Variants in GCA observed in about 807,000 individuals in gnomAD.
GCA encodes grancalcin.
Under a neutral mutation model 32.6 loss-of-function variants are expected in GCA, and 30 were observed. The ratio of observed to expected loss-of-function variants is 0.92; its 90% CI spans 0.69 to 1.25. GCA has a LOEUF of 1.25. Ranked by LOEUF, GCA falls within the 50% of genes most tolerant of loss-of-function variation. The pLI is 0.00. For missense variants in GCA, 291 were observed against 266.8 expected, an observed-to-expected ratio of 1.09 and a Z score of -0.63; for synonymous variants, 102 against 84.6, an observed-to-expected ratio of 1.21 and a Z score of -1.13.
At chr2:162,349,929 C>T (rs985247793) in intron 2 of GCA, among the ~76,000 whole-genome samples, 1 of 152,106 alleles carries the variant, frequency 6.6e-6, no homozygotes, top group African/African-American at 2.4e-5. Context: ...TATTCATTCC[C>T]TTGAGTGTTC....
rs969558942 is a variant in GCA, at chr2:162,344,333, G to A, written c.27+58G>A. ...CCTCGCGGGGTGTGGCGCCCCCGGG[G>A]GCGGTGCCAACGTGCGGGTCCGCCC... On this transcript the variant is annotated intron_variant, in intron 1 of 7. Coordinates refer to ENST00000437150, the MANE Select transcript of GCA (RefSeq NM_012198.5). 9 of 1,563,404 alleles carry A rather than the reference G, an allele frequency of 5.8e-6. No homozygotes were observed. The East Asian group carries it at 2.0e-4, about 35-fold the overall frequency.
rs1227847851 is a variant in GCA, at chr2:162,320,931, C to T, written c.-31+1706C>T. 3.9e-5 allele frequency among the ~76,000 whole-genome samples: 6 copies of T among 152,302 alleles called. No individual in the cohort carries two copies. The East Asian group carries it at 9.7e-4, about 25-fold the overall frequency. ...TTCACAGGTTGATTTCCCAAATAGT[C>T]ATCCTCCTCTAACCCTATTAGCATC... On this transcript the variant is annotated intron_variant, in intron 1 of 4. Coordinates refer to the GCA transcript ENST00000429691.
intron 1 of GCA, among the ~76,000 whole-genome samples, chr2:162,345,267 G>A (rs749235231): frequency 2.0e-5 from 3 of 152,144 alleles, no homozygotes; most frequent in Non-Finnish European, 4.4e-5. Context: ...CGTCCACTTT[G>A]TAATGCCTAT....
At chr2:162,328,197 A>G (rs375437760) in intron 1 of GCA, among the ~76,000 whole-genome samples, 2 of 146,044 alleles carry the variant, frequency 1.4e-5, no homozygotes, top group South Asian at 2.2e-4. Flanking sequence ...CCTGGCCAAC[A>G]TGGTGAAACC....
At chr2:162,347,522 T>G in intron 1 of GCA, 56 bp from the exon 2 acceptor site, 1 of 1,086,424 alleles carries the variant, frequency 9.2e-7, no homozygotes, top group South Asian at 2.0e-5. Flanking sequence ...AATCCAACTT[T>G]CATAGATAAT....
At chr2:162,346,406 G>A (rs1684710451) in intron 1 of GCA, among the ~76,000 whole-genome samples, 1 of 152,116 alleles carries the variant, frequency 6.6e-6, no homozygotes, top group South Asian at 2.1e-4. Context: ...GATTAATGAT[G>A]GTTACCAATT....
At chr2:162,337,708 C>T (rs1558888719) in intron 1 of GCA, among the ~76,000 whole-genome samples, 2 of 152,138 alleles carry the variant, frequency 1.3e-5, no homozygotes, top group Non-Finnish European at 2.9e-5. Context: ...CCTCTTTGTA[C>T]CAGGAGAGTA....
At chr2:162,319,972 T>C (rs1465828244) in intron 1 of GCA, among the ~76,000 whole-genome samples, 2 of 152,212 alleles carry the variant, frequency 1.3e-5, no homozygotes, top group Non-Finnish European at 2.9e-5. Context: ...ACATGTCTTA[T>C]TTTATTCTCT....
At chr2:162,321,920 A>G (rs1237443642) in intron 1 of GCA, among the ~76,000 whole-genome samples, 1 of 117,298 alleles carries the variant, frequency 8.5e-6, no homozygotes, top group Non-Finnish European at 1.6e-5. Context: ...ATATATATAT[A>G]TATATATATA....
chr2:162,325,692 T>G (rs1683849916), intron 1 of GCA, among the ~76,000 whole-genome samples: 1 of 152,154 alleles, frequency 6.6e-6, no homozygotes, highest in African/African-American at 2.4e-5. Flanking sequence ...ACACTATATG[T>G]GATACAAAAC....
At chr2:162,360,157 G>A in intron 7 of GCA, 60 bp from the exon 8 acceptor site, 1 of 1,039,192 alleles carries the variant, frequency 9.6e-7, no homozygotes, top group South Asian at 1.4e-5. Flanking sequence ...AATATAATTA[G>A]TCAAAAATAA....
At chr2:162,367,837 A>G (rs1257088809), downstream of GCA, among the ~76,000 whole-genome samples, 1 of 151,914 alleles carries the variant, frequency 6.6e-6, no homozygotes, top group African/African-American at 2.4e-5. Flanking sequence ...ACTATATTTT[A>G]TCTCATTTCT....
At chr2:162,366,161 A>G (rs532290752), downstream of GCA, among the ~76,000 whole-genome samples, 11 of 151,886 alleles carry the variant, frequency 7.2e-5, no homozygotes, top group Admixed American at 5.3e-4. Context: ...TGTAGTGACT[A>G]TCATTCAGGG....
chr2:162,361,361 C>A lies in GCA; in HGVS notation c.*1118C>A. The A allele has an allele frequency of 1.0e-6, 1 of 975,760 alleles. No homozygotes were observed. Among genetic ancestry groups the A allele is most frequent in the Non-Finnish European group, 1.2e-6 (1 of 821,392 alleles). 60.4% of individuals were successfully genotyped at this position (975,760 alleles called of 1,614,324 possible). A position where few individuals can be genotyped will look rare whatever the true frequency, so the allele number is the denominator to read the frequency against. ...ATGTTATAATTAATGTAATTTCTTT[C>A]TTGGCAAACACCTCATGTCTGTCTT... On this transcript the variant is annotated 3_prime_UTR_variant, in exon 8 of 8. Transcript: ENST00000437150.
chr2:162,360,842 CTTT>C lies in GCA; in HGVS notation c.*603_*605del. On this transcript the variant is annotated 3_prime_UTR_variant, in exon 8 of 8. Coordinates refer to ENST00000437150, the MANE Select transcript of GCA (RefSeq NM_012198.5). ...AGACTACAGAAGGCATTGTTTTTTC[CTTT>C]TTTATTTTTTGTATTATATATTTTT... The C allele has an allele frequency of 1.7e-6, 2 of 1,186,920 alleles. No homozygotes were observed. The highest frequency in any genetic ancestry group is 3.5e-5 in the South Asian group (1 of 28,806). The allele number at this position is 1,186,920 out of a possible 1,614,324, so 73.5% of individuals were successfully genotyped here. A position where few individuals can be genotyped will look rare whatever the true frequency, so the allele number is the denominator to read the frequency against.
chr2:162,322,474 G>T (rs1683708985), intron 1 of GCA, among the ~76,000 whole-genome samples: 3 of 150,882 alleles, frequency 2.0e-5, no homozygotes, highest in African/African-American at 4.9e-5. Flanking sequence ...GGTTACATAT[G>T]TATACATGTG....
intron 1 of GCA, chr2:162,344,499 G>A: frequency 3.5e-6 from 2 of 575,318 alleles, no homozygotes; most frequent in South Asian, 2.2e-5. Context: ...CCCTCGAGGA[G>A]CGTCCTGGTG....
chr2:162,341,383 T>C (rs1159346636), upstream of GCA, among the ~76,000 whole-genome samples: 4 of 150,284 alleles, frequency 2.7e-5, no homozygotes, highest in African/African-American at 7.3e-5. Context: ...CTCATTCATA[T>C]AGTGGGAAAG....
At chr2:162,344,051 TG>T, upstream of GCA, 1 of 621,140 alleles carries the variant, frequency 1.6e-6, no homozygotes, top group South Asian at 1.8e-5. Context: ...CTCCAAAGTG[TG>T]GGACTCAGCC....
Sources: gnomAD v4.1 joint callset for allele counts (sites outside exome capture counted in the v4.1 genomes callset) on GRCh38, gnomAD v4.1.1 for gene constraint, MANE v1.5 for transcripts, NCBI Gene and HGNC (gene_info 2026-07-23, HGNC 2026-07-21) for gene names.